The following BTK variants were observed in gnomAD, a reference collection of about 807,000 sequenced individuals.
BTK encodes Bruton tyrosine kinase.
BTK carries 5 observed loss-of-function variants against 57.4 expected under a neutral mutation model. The observed-to-expected ratio is 0.09, with a 90% CI of 0.05 to 0.18. BTK has a LOEUF of 0.18. Ranked by LOEUF, BTK falls within the 10% of genes least tolerant of loss-of-function variation. BTK has a pLI of 1.00. For synonymous variants in BTK, 154 were observed against 174.3 expected (o/e 0.88, Z 0.92); for missense variants, 194 against 501.2 (o/e 0.39, Z 5.85).
At chrX:101,384,012 T>G (rs995168516) in intron 1 of BTK, among the ~76,000 whole-genome samples, 9 of 111,930 alleles carry the variant, frequency 8.0e-5, no homozygotes, top group African/African-American at 2.9e-4. Context: ...CTGAAAATTC[T>G]AGTTCTTCCT....
At chrX:101,360,906 T>C in intron 7 of BTK, 151 bp from the exon 8 acceptor site, 1 of 559,258 alleles carries the variant, frequency 1.8e-6, no homozygotes, top group Non-Finnish European at 3.0e-6. Context: ...TAAGCACCAG[T>C]GCAGGAGTTC....
intron 1 of BTK, among the ~76,000 whole-genome samples, chrX:101,384,467 C>T (rs1240482611): frequency 9.0e-6 from 1 of 111,566 alleles, no homozygotes; most frequent in Non-Finnish European, 1.9e-5. Flanking sequence ...CGTGGTGGCA[C>T]ATGCCTGTAA....
chrX:101,390,454 T>TATA, upstream of BTK: 1 of 514,972 alleles, frequency 1.9e-6, no homozygotes, highest in South Asian at 2.5e-5. Flanking sequence ...ATTGCACATT[T>TATA]ATAAGCCTAT....
At chrX:101,350,138 C>G (rs1443058412) in intron 18 of BTK, among the ~76,000 whole-genome samples, 182 bp from the exon 19 acceptor site, 2 of 107,384 alleles carry the variant, frequency 1.9e-5, no homozygotes, top group Non-Finnish European at 3.8e-5. Flanking sequence ...TCTTTGTGCA[C>G]TTTTCATCTT....
rs782207225 is a variant in BTK at position 101,358,745 on chromosome X, C to A, written c.895-49G>T. On this transcript the variant is annotated intron_variant, in intron 10 of 18. Coordinates refer to ENST00000308731, the MANE Select transcript of BTK (RefSeq NM_000061.3). ...TCTGTAGGAGGAAGTGGTGCTCACA[C>A]CTGCATCCCACCTGCCCAAACTTGA... is the stretch of plus-strand genomic sequence containing the variant. 3 of 1,028,414 alleles carry A rather than the reference C, an allele frequency of 2.9e-6. No homozygotes were observed. The Admixed American group carries it at 6.6e-5, about 22-fold the overall frequency. The allele number at this position is 1,028,414 out of a possible 1,213,427, so 84.8% of individuals were successfully genotyped here. A position where few individuals can be genotyped will look rare whatever the true frequency, so the allele number is the denominator to read the frequency against.
At chrX:101,369,067 C>A (rs1555979911) in intron 5 of BTK, among the ~76,000 whole-genome samples, 1 of 112,413 alleles carries the variant, frequency 8.9e-6, no homozygotes, top group African/African-American at 3.2e-5. Context: ...TGTGTGCATG[C>A]ATCCTGTGCT....
At chrX:101,352,141 C>A (rs1378111636) in intron 18 of BTK, among the ~76,000 whole-genome samples, 2 of 93,897 alleles carry the variant, frequency 2.1e-5, no homozygotes. Flanking sequence ...CCAGCCTGGG[C>A]GACAGAGAAA....
At chrX:101,357,813 T>A (rs782307021) in intron 12 of BTK, among the ~76,000 whole-genome samples, 2 of 112,048 alleles carry the variant, frequency 1.8e-5, no homozygotes, top group East Asian at 5.6e-4. Context: ...CTGAATATAT[T>A]CCCACCTCCC....
chrX:101,373,077 A>G (rs1450166398), intron 3 of BTK, among the ~76,000 whole-genome samples: 2 of 109,649 alleles, frequency 1.8e-5, no homozygotes, highest in African/African-American at 6.6e-5. Flanking sequence ...GCGAGACTCC[A>G]TCTCAGAAAA....
chrX:101,374,662 G>A (rs1423376916), intron 2 of BTK, 28 bp from the exon 3 acceptor site: 17 of 1,127,169 alleles, frequency 1.5e-5, no homozygotes, highest in Non-Finnish European at 2.1e-5. Flanking sequence ...GAAGAAAATG[G>A]AGAAAGATTA....
At chrX:101,366,459 C>A (rs1555979436) in intron 5 of BTK, among the ~76,000 whole-genome samples, 1 of 111,057 alleles carries the variant, frequency 9.0e-6, no homozygotes, top group East Asian at 2.8e-4. Flanking sequence ...GTCCCCTTTT[C>A]ATGTCAATGA....
Position 101,372,222 on chromosome X carries a change from A to G in BTK, c.241-521T>C, listed in dbSNP as rs1927057436. The stretch of plus-strand genomic sequence containing the variant: ...CCCTATATGGCAAAAAGCATCATAA[A>G]CAAAATTGAAAGATAAAGGATAAAC... On this transcript the variant is annotated intron_variant, in intron 3 of 18. Transcript: ENST00000308731. Among the ~76,000 whole-genome samples, 4 of 112,171 alleles carry G rather than the reference A, an allele frequency of 3.6e-5. No individual in the cohort carries two copies. The Admixed American group carries it at 3.8e-4, about 11-fold the overall frequency.
intron 18 of BTK, 41 bp downstream of exon 18, chrX:101,353,153 A>G: frequency 8.5e-7 from 1 of 1,181,705 alleles, no homozygotes; most frequent in Non-Finnish European, 1.1e-6. Context: ...GGGCAAGTAG[A>G]TTCAAGGAAA....
chrX:101,374,966 C>CT (rs1235531905), intron 2 of BTK, among the ~76,000 whole-genome samples, 178 bp downstream of exon 2: 4 of 111,475 alleles, frequency 3.6e-5, no homozygotes, highest in African/African-American at 9.8e-5. Context: ...TTCTTAGGAC[C>CT]TTTGACTTTC....
chrX:101,355,860 T>A, intron 15 of BTK, 192 bp downstream of exon 15: 1 of 488,429 alleles, frequency 2.0e-6, no homozygotes, highest in Non-Finnish European at 3.6e-6. Flanking sequence ...CACGGCAGAC[T>A]TCATGGAGCT....
intron 5 of BTK, among the ~76,000 whole-genome samples, chrX:101,366,793 C>G (rs1049847272): frequency 7.1e-5 from 8 of 112,097 alleles, no homozygotes; most frequent in Non-Finnish European, 1.5e-4. Context: ...AAAGATGTGC[C>G]TAGCCACACT....
Position 101,362,656 on chromosome X carries a change from T to A in BTK, c.425A>T (p.Tyr142Phe). The A allele has an allele frequency of 8.2e-7, 1 of 1,212,176 alleles. No individual in the cohort carries two copies. Among genetic ancestry groups the A allele is most frequent in the Non-Finnish European group, 1.1e-6 (1 of 895,563 alleles). The change falls in exon 6 of 19, where the codon TAT becomes TTT. Residue 142 changes from tyrosine (Y) to phenylalanine (F), a missense_variant. By Grantham distance (22) the Tyr-to-Phe change is conservative. This residue lies in a region of BTK where 115 missense variants were observed against 258.3 expected (regional missense o/e 0.45). Transcript: ENST00000308731. Reference protein sequence around the residue: ...IRYNSDLVQKYHPCFWIDGQY... With the variant: ...IRYNSDLVQKFHPCFWIDGQY... The stretch of plus-strand genomic sequence containing the variant: ...CCCATCGATCCAGAAGCAAGGGTGA[T>A]ATTTCTGAACCAGATCACTGTTGTA...
intron 3 of BTK, among the ~76,000 whole-genome samples, chrX:101,373,912 G>T (rs782037438): frequency 4.5e-5 from 5 of 110,528 alleles, no homozygotes; most frequent in Non-Finnish European, 9.4e-5. Flanking sequence ...AGGCATGGTG[G>T]TGCACACCTG....
intron 1 of BTK, among the ~76,000 whole-genome samples, chrX:101,377,437 T>C (rs2239462): frequency 0.22 from 23,884 of 110,710 alleles, 2,393 homozygotes; most frequent in South Asian, 0.39. Flanking sequence ...AATTGAGTAC[T>C]GTGACCAGTA....
Sources: allele counts gnomAD v4.1 joint callset (sites outside exome capture counted in the v4.1 genomes callset), GRCh38; gene constraint gnomAD v4.1.1; regional missense constraint gnomAD v4.1.1; transcripts MANE v1.5; gene names NCBI Gene and HGNC (gene_info 2026-07-23, HGNC 2026-07-21).